Variants in DOK7 observed in about 807,000 individuals in gnomAD.
DOK7 encodes protein Dok-7.
In DOK7, 32 loss-of-function variants were observed where a neutral mutation model predicts 30.7. That is an observed-to-expected ratio of 1.04 (90% CI 0.79 to 1.40). The LOEUF (loss-of-function observed/expected upper bound fraction) is 1.40, where lower values mean the gene tolerates loss of function less well. Ranked by LOEUF, DOK7 falls within the 40% of genes most tolerant of loss-of-function variation. The pLI is 0.00. For missense variants in DOK7, 1,007 were observed against 699.2 expected, an observed-to-expected ratio of 1.44 and a Z score of -4.97; for synonymous variants, 447 against 324.1, an observed-to-expected ratio of 1.38 and a Z score of -4.07.
At chr4:3,481,347 G>A (rs1727432421) in intron 4 of DOK7, among the ~76,000 whole-genome samples, 1 of 152,088 alleles carries the variant, frequency 6.6e-6, no homozygotes, top group Non-Finnish European at 1.5e-5. Context: ...GCTGCCCCAG[G>A]CAGCAGCTGC....
intron 2 of DOK7, among the ~76,000 whole-genome samples, chr4:3,467,449 A>AGCC (rs1726361897): frequency 1.3e-5 from 1 of 78,328 alleles, no homozygotes. Context: ...TCCAGGGAAG[A>AGCC]CCCCCCCCCC....
chr4:3,470,638 C>T (rs190595644), intron 2 of DOK7, among the ~76,000 whole-genome samples: 295 of 152,286 alleles, frequency 1.9e-3, no homozygotes, highest in Middle Eastern at 0.017. Flanking sequence ...GGCCAGGAGT[C>T]GGCTCACTGT....
rs1727099092 is a variant in DOK7 at position 3,476,498 on chromosome 4, T to C, written c.488T>C (p.Val163Ala). Residue 163 changes from valine (V) to alanine (A), a missense_variant, in exon 4 of 7, where the codon GTG (valine) becomes GCG (alanine). By Grantham distance (64) the Val-to-Ala change is moderately conservative. Transcript: ENST00000340083. ...TCTGACCTCCGGCGCTACGGGGCCG[T>C]GCCAAGCGGATTCATCTTTGAAGGC... ...KLSDLRRYGAVPSGFIFEGGT... is the reference protein window; with the variant it reads ...KLSDLRRYGAAPSGFIFEGGT... 2.5e-6 allele frequency: 4 copies of C among 1,613,824 alleles called. No individual in the cohort carries two copies. The highest frequency in any genetic ancestry group is 2.5e-6 in the Non-Finnish European group (3 of 1,180,008).
At chr4:3,487,645 C>T (rs1727897421) in intron 5 of DOK7, among the ~76,000 whole-genome samples, 1 of 152,170 alleles carries the variant, frequency 6.6e-6, no homozygotes, top group Non-Finnish European at 1.5e-5. Flanking sequence ...ACCGTTGCTG[C>T]ACCCCATTTT....
intron 6 of DOK7, among the ~76,000 whole-genome samples, chr4:3,499,900 G>A (rs1237267477): frequency 6.6e-6 from 1 of 152,014 alleles, no homozygotes; most frequent in Admixed American, 6.6e-5. Context: ...TTGGTGGAGA[G>A]AGTTGGGAAG....
At position 3,463,442 on chromosome 4, in the gene DOK7, C is replaced by T. The variant is rs912327595; in HGVS notation, c.54+13C>T. ...GGACGGCAAGAAGGTCGGGGCGCGT[C>T]GGGGGCGCGGGGGGGGGGGGCGCGG... On this transcript the variant is annotated intron_variant, in intron 1 of 6. Transcript: ENST00000340083. 7 of 385,282 alleles carry T rather than the reference C, an allele frequency of 1.8e-5. No homozygotes were observed. The highest frequency in any genetic ancestry group is 7.8e-4 in the Middle Eastern group (1 of 1,276). The allele number at this position is 385,282 out of a possible 1,614,324, so 23.9% of individuals were successfully genotyped here.
At chr4:3,466,166 G>C (rs977653797) in intron 2 of DOK7, among the ~76,000 whole-genome samples, 1 of 149,554 alleles carries the variant, frequency 6.7e-6, no homozygotes, top group African/African-American at 2.5e-5. Context: ...GACATGGACT[G>C]CTGGGCAGAG....
At chr4:3,468,503 CGT>C (rs1046978978) in intron 2 of DOK7, among the ~76,000 whole-genome samples, 16 of 102,528 alleles carry the variant, frequency 1.6e-4, no homozygotes, top group African/African-American at 2.3e-4. Flanking sequence ...TGTGCATGTG[CGT>C]GTGTGCGTGT....
intron 4 of DOK7, among the ~76,000 whole-genome samples, chr4:3,479,901 C>T (rs1727336313): frequency 6.6e-6 from 1 of 152,216 alleles, no homozygotes; most frequent in South Asian, 2.1e-4. Flanking sequence ...TGGAGCTTGG[C>T]CCGAGCGCAC....
intron 5 of DOK7, 39 bp downstream of exon 5, chr4:3,485,697 C>G (rs201108911): frequency 1.1e-5 from 17 of 1,503,542 alleles, no homozygotes; most frequent in Non-Finnish European, 1.5e-5. Flanking sequence ...AGGGTGCGCT[C>G]GGCAGGCTGT....
At chr4:3,475,844 CG>C (rs1727023411) in intron 3 of DOK7, among the ~76,000 whole-genome samples, 1 of 152,058 alleles carries the variant, frequency 6.6e-6, no homozygotes, top group Admixed American at 6.5e-5. Flanking sequence ...CTAGCACCTC[CG>C]TGGTGGGAGG....
intron 7 of DOK7, chr4:3,500,589 C>CAA: frequency 6.6e-7 from 1 of 1,520,678 alleles, no homozygotes. Flanking sequence ...TGTCCCCACT[C>CAA]AGATGCTTCC....
At chr4:3,477,961 C>T (rs183453780) in intron 4 of DOK7, among the ~76,000 whole-genome samples, 726 of 152,252 alleles carry the variant, frequency 4.8e-3, no homozygotes, top group Non-Finnish European at 7.8e-3. Flanking sequence ...AGTGGGTTGG[C>T]GGTGGCTGGG....
chr4:3,491,641 T>C (rs964606532), intron 6 of DOK7, among the ~76,000 whole-genome samples: 13 of 152,160 alleles, frequency 8.5e-5, no homozygotes, highest in Non-Finnish European at 1.9e-4. Context: ...CTGAGAGCCT[T>C]TGAATCCTTT....
chr4:3,494,973 C>T (rs1162194939), downstream of DOK7, among the ~76,000 whole-genome samples: 2 of 152,232 alleles, frequency 1.3e-5, no homozygotes, highest in Admixed American at 6.5e-5. Flanking sequence ...TGCCTGCCAC[C>T]CTGTCAGGGA....
At chr4:3,469,959 G>A (rs1726663043) in intron 2 of DOK7, among the ~76,000 whole-genome samples, 1 of 152,200 alleles carries the variant, frequency 6.6e-6, no homozygotes, top group African/African-American at 2.4e-5. Flanking sequence ...AATGAAATCG[G>A]TGGTTTGGGT....
intron 6 of DOK7, among the ~76,000 whole-genome samples, chr4:3,491,440 TTC>T (rs1278698535): frequency 8.3e-6 from 1 of 120,064 alleles, no homozygotes; most frequent in Non-Finnish European, 2.0e-5. Context: ...GCTCATTCAT[TTC>T]TTTCTTCTCT....
At chr4:3,495,584 G>A (rs1176985684), downstream of DOK7, among the ~76,000 whole-genome samples, 3 of 152,358 alleles carry the variant, frequency 2.0e-5, no homozygotes, top group Admixed American at 6.5e-5. Context: ...CGCCTGCTAC[G>A]GCAGCCCAGG....
chr4:3,473,087 GC>G lies in DOK7; in HGVS notation c.101-316del, dbSNP rs35036072. On this transcript the variant is annotated intron_variant, in intron 2 of 6. Coordinates refer to ENST00000340083, the MANE Select transcript of DOK7 (RefSeq NM_173660.5). Reference sequence around the variant, plus strand: ...CACAGATCCTGCAGCCCTCAGTGTGGCCCAGGGGGCTCCAGGGCCTGGGACA... The same window carrying G: ...CACAGATCCTGCAGCCCTCAGTGTGGCCAGGGGGCTCCAGGGCCTGGGACA... 0.12 allele frequency among the ~76,000 whole-genome samples: 18,831 copies of G among 152,288 alleles called. 1,260 individuals are homozygous for G. Among genetic ancestry groups the G allele is most frequent in the Middle Eastern group, 0.18 (52 of 294 alleles).
Sources: allele counts gnomAD v4.1 joint callset (sites outside exome capture counted in the v4.1 genomes callset), GRCh38; gene constraint gnomAD v4.1.1; transcripts MANE v1.5; gene names NCBI Gene and HGNC (gene_info 2026-07-23, HGNC 2026-07-21).